Variants in SCARA5 observed in about 807,000 individuals in gnomAD.
SCARA5 encodes the protein scavenger receptor class A, member 5 (putative).
A neutral mutation model predicts 46.3 loss-of-function variants in SCARA5; 45 were observed. The ratio of observed to expected loss-of-function variants is 0.97; its 90% confidence interval spans 0.76 to 1.24. The LOEUF (loss-of-function observed/expected upper bound fraction) is 1.24, where lower values mean the gene tolerates loss of function less well. SCARA5 is among the 50% of genes most tolerant of loss of function. The pLI is 0.00. For synonymous variants in SCARA5, 333 were observed against 306.5 expected, an observed-to-expected ratio of 1.09 and a Z score of -0.90; for missense variants, 680 against 689.0, an observed-to-expected ratio of 0.99 and a Z score of 0.15.
At chr8:27,922,915 C>T in intron 3 of SCARA5, among the ~76,000 whole-genome samples, 1 of 152,164 alleles carries the variant, frequency 6.6e-6, no homozygotes, top group Non-Finnish European at 1.5e-5. Context: ...ATAGAAGGCA[C>T]CATCCATGAG....
chr8:27,907,491 G>T (rs1293392704), intron 5 of SCARA5, among the ~76,000 whole-genome samples: 1 of 151,724 alleles, frequency 6.6e-6, no homozygotes, highest in Non-Finnish European at 1.5e-5. Flanking sequence ...CAGTGCTGTT[G>T]TGAGTGACGG....
At chr8:27,873,160 A>G (rs560490396) in intron 8 of SCARA5, among the ~76,000 whole-genome samples, 38 of 152,234 alleles carry the variant, frequency 2.5e-4, no homozygotes, top group African/African-American at 9.1e-4. Flanking sequence ...CTTGTTAGAA[A>G]AGCAGACACA....
At chr8:27,946,779 T>A (rs970888112) in intron 3 of SCARA5, among the ~76,000 whole-genome samples, 2 of 152,178 alleles carry the variant, frequency 1.3e-5, no homozygotes, top group Non-Finnish European at 2.9e-5. Flanking sequence ...TTCATCCCAG[T>A]GAGTGGAATG....
chr8:27,980,500 G>A lies in SCARA5; in HGVS notation c.112+7004C>T, dbSNP rs562748769. ...CCCATCCCTAGAGTAATGCCACACA[G>A]GAGATGGCATGGCCTAGGGCTGGGG... On this transcript the variant is annotated intron_variant, in intron 2 of 8. Coordinates refer to ENST00000354914, the MANE Select transcript of SCARA5 (RefSeq NM_173833.6). Among the ~76,000 whole-genome samples, 391 of 152,296 alleles carry A rather than the reference G, an allele frequency of 2.6e-3. 3 individuals carry two copies. Among genetic ancestry groups the A allele is most frequent in the African/African-American group, 8.9e-3 (370 of 41,566 alleles).
chr8:27,911,335 C>T (rs940673617), intron 4 of SCARA5, among the ~76,000 whole-genome samples: 2 of 152,170 alleles, frequency 1.3e-5, no homozygotes, highest in Admixed American at 6.5e-5. Context: ...CCCTTTATAT[C>T]CCTATACCTG....
At position 27,871,855 on chromosome 8, in the gene SCARA5, T is replaced by G; in HGVS notation, c.*79A>C. On this transcript the variant is annotated 3_prime_UTR_variant, in exon 9 of 9. Transcript: ENST00000354914. ...GGGTGTGGTCGAGGCATGGTCAGGG[T>G]GGCCCCGAGCTGTGCCCCACCCCAG... is the stretch of plus-strand genomic sequence containing the variant. 6.2e-7 allele frequency: 1 copy of G among 1,600,958 alleles called. No homozygotes were observed. Among genetic ancestry groups the G allele is most frequent in the East Asian group, 2.2e-5 (1 of 44,744 alleles).
At chr8:27,985,330 C>G (rs146840577) in intron 2 of SCARA5, among the ~76,000 whole-genome samples, 1 of 152,240 alleles carries the variant, frequency 6.6e-6, no homozygotes, top group East Asian at 1.9e-4. Context: ...GCCAGGGAAG[C>G]ACCCTTCTAA....
intron 3 of SCARA5, among the ~76,000 whole-genome samples, chr8:27,948,356 G>C (rs957827972): frequency 4.6e-5 from 7 of 152,200 alleles, no homozygotes; most frequent in African/African-American, 1.7e-4. Context: ...GGCCCTCTGG[G>C]AGGGAGGCAG....
intron 7 of SCARA5, among the ~76,000 whole-genome samples, chr8:27,901,780 A>G (rs1807158329): frequency 1.3e-5 from 2 of 152,298 alleles, no homozygotes; most frequent in South Asian, 4.1e-4. Flanking sequence ...GCTACCAGTG[A>G]AAGAGGGGAT....
intron 1 of SCARA5, among the ~76,000 whole-genome samples, chr8:27,988,486 T>C (rs1371592027): frequency 2.0e-5 from 3 of 152,204 alleles, no homozygotes; most frequent in Non-Finnish European, 2.9e-5. Flanking sequence ...ACGCGTAAGG[T>C]GCGTGTGGAT....
At chr8:27,984,039 C>A (rs1808663453) in intron 2 of SCARA5, among the ~76,000 whole-genome samples, 1 of 152,108 alleles carries the variant, frequency 6.6e-6, no homozygotes, top group Non-Finnish European at 1.5e-5. Flanking sequence ...CAAGGGCGGC[C>A]CTGACCGGAT....
intron 3 of SCARA5, among the ~76,000 whole-genome samples, chr8:27,965,260 C>G (rs1300934308): frequency 6.6e-6 from 1 of 152,228 alleles, no homozygotes; most frequent in Non-Finnish European, 1.5e-5. Flanking sequence ...CCGGGGAGGT[C>G]CTGGCCATTT....
At chr8:27,933,244 G>A (rs1160431498) in intron 3 of SCARA5, among the ~76,000 whole-genome samples, 2 of 152,148 alleles carry the variant, frequency 1.3e-5, no homozygotes, top group African/African-American at 4.8e-5. Context: ...AGATTCAGCT[G>A]GGCACAGTGG....
At chr8:27,961,539 C>T (rs921134850) in intron 3 of SCARA5, among the ~76,000 whole-genome samples, 4 of 152,150 alleles carry the variant, frequency 2.6e-5, no homozygotes, top group Admixed American at 1.3e-4. Flanking sequence ...CAATGCAAAA[C>T]AGACTAATAT....
chr8:27,876,649 A>G (rs1806729138), intron 8 of SCARA5, among the ~76,000 whole-genome samples: 1 of 152,262 alleles, frequency 6.6e-6, no homozygotes, highest in South Asian at 2.1e-4. Context: ...CAGGAAGGTC[A>G]CCGGACACTT....
chr8:27,952,556 TCA>T (rs1357354686), intron 3 of SCARA5, among the ~76,000 whole-genome samples: 1 of 152,208 alleles, frequency 6.6e-6, no homozygotes, highest in Non-Finnish European at 1.5e-5. Context: ...TCTTCACTCC[TCA>T]CAGCCAGCAA....
chr8:27,899,175 C>T (rs1340541234), intron 7 of SCARA5, among the ~76,000 whole-genome samples: 1 of 152,186 alleles, frequency 6.6e-6, no homozygotes, highest in African/African-American at 2.4e-5. Flanking sequence ...CATCTGAAGT[C>T]AGGGGCAGCC....
At chr8:27,950,279 G>A (rs1309583255) in intron 3 of SCARA5, among the ~76,000 whole-genome samples, 4 of 152,232 alleles carry the variant, frequency 2.6e-5, no homozygotes, top group South Asian at 2.1e-4. Context: ...GCCAGACCTG[G>A]GGGTTGCCAG....
intron 7 of SCARA5, among the ~76,000 whole-genome samples, chr8:27,885,635 A>C (rs2726926): frequency 0.97 from 148,281 of 152,212 alleles, 72,359 homozygotes; most frequent in East Asian, 1. Flanking sequence ...GGAGAATCCA[A>C]CATCAGGGCC....
Sources: gnomAD v4.1 joint callset for allele counts (sites outside exome capture counted in the v4.1 genomes callset) on GRCh38, gnomAD v4.1.1 for gene constraint, MANE v1.5 for transcripts, NCBI Gene and HGNC (gene_info 2026-07-23, HGNC 2026-07-21) for gene names.